Variants in PREX2 observed in about 807,000 individuals in gnomAD.
The protein encoded by PREX2 is phosphatidylinositol-3,4,5-trisphosphate dependent Rac exchange factor 2, also known as phosphatidylinositol 3,4,5-trisphosphate-dependent Rac exchanger 2 protein.
PREX2 carries 107 observed loss-of-function variants against 203.2 expected under a neutral mutation model. The ratio of observed to expected loss-of-function variants is 0.53; its 90% confidence interval spans 0.45 to 0.62. The LOEUF (loss-of-function observed/expected upper bound fraction) is 0.62. PREX2 is among the 20% of genes least tolerant of loss of function. The pLI, the probability that PREX2 is intolerant of heterozygous loss-of-function variation, is 0.00. For synonymous variants in PREX2, 672 were observed against 663.6 expected, an observed-to-expected ratio of 1.01 and a Z score of -0.19; for missense variants, 1,777 against 1,955.9, an observed-to-expected ratio of 0.91 and a Z score of 1.72.
At chr8:67,987,910 GGA>G (rs1806482935) in intron 1 of PREX2, among the ~76,000 whole-genome samples, 1 of 84,102 alleles carries the variant, frequency 1.2e-5, no homozygotes, top group South Asian at 4.9e-4. Context: ...TGGCAGCCAG[GGA>G]GTGTGTGTGT....
intron 1 of PREX2, among the ~76,000 whole-genome samples, chr8:68,005,747 A>C (rs1807076922): frequency 6.6e-6 from 1 of 152,118 alleles, no homozygotes; most frequent in South Asian, 2.1e-4. Flanking sequence ...CACCATCTGA[A>C]CTTGCTTTGT....
rs1052393954 is a variant in PREX2 at position 68,011,571 on chromosome 8, G to T, written c.142-6275G>T. 6.6e-5 allele frequency among the ~76,000 whole-genome samples: 10 copies of T among 152,228 alleles called. No homozygotes were observed. The East Asian group carries it at 1.9e-3, about 29-fold the overall frequency. Reference sequence around the variant, plus strand: ...TCAGCTCTAACTTACTGTTATTCAGGTAGATAGGCCCTGTGTTAATTTTCT... The same window carrying T: ...TCAGCTCTAACTTACTGTTATTCAGTTAGATAGGCCCTGTGTTAATTTTCT... On this transcript the variant is annotated intron_variant, in intron 1 of 39. Transcript: ENST00000288368.
At chr8:68,182,229 G>A (rs1812099060) in intron 35 of PREX2, among the ~76,000 whole-genome samples, 1 of 152,072 alleles carries the variant, frequency 6.6e-6, no homozygotes, top group African/African-American at 2.4e-5. Context: ...ACCATGTTTA[G>A]TCTTTTCTTA....
intron 35 of PREX2, among the ~76,000 whole-genome samples, chr8:68,181,161 A>G (rs1290430931): frequency 6.6e-6 from 1 of 152,172 alleles, no homozygotes; most frequent in Non-Finnish European, 1.5e-5. Context: ...CCATGTCCTC[A>G]TGCAGAGTAT....
At chr8:68,058,907 A>C (rs1263523382) in intron 10 of PREX2, among the ~76,000 whole-genome samples, 1 of 152,112 alleles carries the variant, frequency 6.6e-6, no homozygotes, top group Non-Finnish European at 1.5e-5. Context: ...ACCTTTTCTT[A>C]TATTTTTCTT....
chr8:68,193,576 G>A (rs1464040291), intron 37 of PREX2, among the ~76,000 whole-genome samples: 5 of 151,874 alleles, frequency 3.3e-5, no homozygotes, highest in African/African-American at 7.3e-5. Context: ...TGAAGAGCAA[G>A]CAAAAAAAAT....
chr8:68,055,682 AAC>A (rs1422440754), intron 9 of PREX2, 146 bp from the exon 10 acceptor site: 10 of 699,242 alleles, frequency 1.4e-5, no homozygotes, highest in Non-Finnish European at 2.1e-5. Context: ...GAGCTTCTTG[AAC>A]ACCAGGGCAC....
intron 35 of PREX2, among the ~76,000 whole-genome samples, chr8:68,186,309 TA>T (rs765090183): frequency 4.9e-4 from 74 of 152,360 alleles, no homozygotes; most frequent in Non-Finnish European, 9.0e-4. Context: ...ATATGCTTTA[TA>T]ATATTTTATT....
intron 1 of PREX2, among the ~76,000 whole-genome samples, chr8:67,986,255 A>C (rs1372133233): frequency 6.6e-6 from 1 of 152,220 alleles, no homozygotes; most frequent in African/African-American, 2.4e-5. Context: ...GAGAGTAGGC[A>C]CTCTTATAGA....
intron 1 of PREX2, among the ~76,000 whole-genome samples, chr8:67,984,732 A>G (rs1256807994): frequency 6.6e-6 from 1 of 152,186 alleles, no homozygotes; most frequent in Non-Finnish European, 1.5e-5. Context: ...CATGATGGGA[A>G]GTACAGCTGA....
chr8:68,100,376 A>G, intron 23 of PREX2: 1 of 353,426 alleles, frequency 2.8e-6, no homozygotes, highest in South Asian at 2.3e-5. Flanking sequence ...TGGTGCTCAC[A>G]TTCAAGTGGG....
At chr8:68,225,648 A>G (rs1413248943) in intron 39 of PREX2, among the ~76,000 whole-genome samples, 2 of 152,190 alleles carry the variant, frequency 1.3e-5, no homozygotes, top group Non-Finnish European at 2.9e-5. Context: ...AGGGAAAACA[A>G]ACTTTCCCCC....
At chr8:68,006,566 A>G (rs1018122317) in intron 1 of PREX2, among the ~76,000 whole-genome samples, 3 of 152,118 alleles carry the variant, frequency 2.0e-5, no homozygotes, top group Admixed American at 6.5e-5. Context: ...GAATCCTGTC[A>G]CTGTTGCCTG....
chr8:67,964,295 A>G (rs1440135683), intron 1 of PREX2, among the ~76,000 whole-genome samples: 1 of 152,164 alleles, frequency 6.6e-6, no homozygotes, highest in Non-Finnish European at 1.5e-5. Flanking sequence ...TCTAAGGGAG[A>G]CTGGGAAATA....
At chr8:68,172,501 T>G (rs190687764) in intron 35 of PREX2, among the ~76,000 whole-genome samples, 6 of 152,292 alleles carry the variant, frequency 3.9e-5, no homozygotes, top group African/African-American at 1.4e-4. Context: ...TAACTAATAA[T>G]TTATAGCAAT....
At chr8:68,159,391 C>T (rs1220219346) in intron 35 of PREX2, among the ~76,000 whole-genome samples, 1 of 152,090 alleles carries the variant, frequency 6.6e-6, no homozygotes, top group East Asian at 1.9e-4. Flanking sequence ...TAGTGAATGG[C>T]CATATAGTCT....
intron 33 of PREX2, among the ~76,000 whole-genome samples, chr8:68,144,022 G>A (rs1047576287): frequency 5.3e-5 from 8 of 152,072 alleles, no homozygotes; most frequent in African/African-American, 1.9e-4. Flanking sequence ...CTGCTTCTGA[G>A]CTCTCTGTTC....
chr8:68,095,638 A>ATTT (rs35221236), intron 21 of PREX2, among the ~76,000 whole-genome samples: 2 of 121,650 alleles, frequency 1.6e-5, no homozygotes, highest in African/African-American at 6.1e-5. Context: ...TTTCCTTTCC[A>ATTT]TTTTTTTTTT....
rs1335407082 is a variant in PREX2, at chr8:68,053,039, G to T, written c.944-58G>T. On this transcript the variant is annotated intron_variant, in intron 8 of 39. Transcript: ENST00000288368. ...CTTTTGTGTATTGAATGATAGTGTG[G>T]ATATAATAATATTGTGTATTACATT... is the stretch of plus-strand genomic sequence containing the variant. 11 of 1,473,014 alleles carry T rather than the reference G, an allele frequency of 7.5e-6. No individual in the cohort carries two copies. In the Admixed American group the frequency reaches 1.7e-4, roughly 22 times the overall value. 91.2% of individuals were successfully genotyped at this position (1,473,014 alleles called of 1,614,324 possible). A position where few individuals can be genotyped will look rare whatever the true frequency, so the allele number is the denominator to read the frequency against.
Sources: gnomAD v4.1 joint callset for allele counts (sites outside exome capture counted in the v4.1 genomes callset) on GRCh38, gnomAD v4.1.1 for gene constraint, MANE v1.5 for transcripts, NCBI Gene and HGNC (gene_info 2026-07-23, HGNC 2026-07-21) for gene names.